Variants in KCNH7 observed in about 807,000 individuals in gnomAD.
KCNH7 encodes the protein voltage-gated inwardly rectifying potassium channel KCNH7.
In KCNH7, 49 loss-of-function variants were observed where a neutral mutation model predicts 120.8. The observed-to-expected ratio is 0.41, with a 90% CI of 0.32 to 0.51. The LOEUF (loss-of-function observed/expected upper bound fraction) is 0.51. KCNH7 is among the 20% of genes least tolerant of loss of function. KCNH7 has a pLI of 0.38. For missense variants in KCNH7, 1,097 were observed against 1,446.6 expected, an observed-to-expected ratio of 0.76 and a Z score of 3.92; for synonymous variants, 547 against 516.1, an observed-to-expected ratio of 1.06 and a Z score of -0.81.
rs139040306 is a variant in KCNH7, at chr2:162,544,603, C to T, written c.308-7523G>A. Among the ~76,000 whole-genome samples the T allele has an allele frequency of 5.4e-3, 818 of 152,214 alleles. 5 individuals are homozygous for T. Among genetic ancestry groups the T allele is most frequent in the African/African-American group, 0.017 (697 of 41,542 alleles). ...TTCATTAAGCCAAGACTCTGAATTC[C>T]ATGACTTTTAAATCAGGTGTATTCT... On this transcript the variant is annotated intron_variant, in intron 2 of 15. Transcript: ENST00000332142.
intron 2 of KCNH7, among the ~76,000 whole-genome samples, chr2:162,610,970 T>A (rs1682943390): frequency 6.6e-6 from 1 of 152,220 alleles, no homozygotes; most frequent in Non-Finnish European, 1.5e-5. Context: ...AGGACTCAGA[T>A]CCTGCTCCCC....
chr2:162,684,943 C>T (rs1435733692), intron 2 of KCNH7, among the ~76,000 whole-genome samples: 2 of 152,062 alleles, frequency 1.3e-5, no homozygotes, highest in East Asian at 3.9e-4. Flanking sequence ...GACTTGGAGC[C>T]AACCCAAACG....
intron 2 of KCNH7, chr2:162,795,653 T>A (rs1355302176): frequency 1.3e-5 from 2 of 152,118 alleles, no homozygotes; most frequent in East Asian, 3.9e-4. Context: ...CCTCTGATTA[T>A]ACTGAAGTAT....
At chr2:162,672,707 T>G (rs1460127549) in intron 2 of KCNH7, among the ~76,000 whole-genome samples, 1 of 151,992 alleles carries the variant, frequency 6.6e-6, no homozygotes, top group Non-Finnish European at 1.5e-5. Context: ...TTATTTTTAT[T>G]AACTTAAATT....
chr2:162,670,923 A>C (rs1223803347), intron 2 of KCNH7, among the ~76,000 whole-genome samples: 1 of 151,964 alleles, frequency 6.6e-6, no homozygotes, highest in Non-Finnish European at 1.5e-5. Flanking sequence ...AGAGTATACA[A>C]AAATTTCAAA....
intron 2 of KCNH7, among the ~76,000 whole-genome samples, chr2:162,615,223 C>T (rs960267455): frequency 1.3e-5 from 2 of 152,164 alleles, no homozygotes; most frequent in Non-Finnish European, 1.5e-5. Flanking sequence ...TAGCCAATCA[C>T]GGAAGATTTC....
Position 162,590,849 on chromosome 2 carries a change from T to C in KCNH7, c.308-53769A>G, listed in dbSNP as rs543853988. 9.2e-5 allele frequency among the ~76,000 whole-genome samples: 14 copies of C among 152,232 alleles called. No individual in the cohort carries two copies. The East Asian group carries it at 2.5e-3, about 27-fold the overall frequency. On this transcript the variant is annotated intron_variant, in intron 2 of 15. Coordinates refer to ENST00000332142, the MANE Select transcript of KCNH7 (RefSeq NM_033272.4). ...CATCTGTTAGAGTAATTTTTAAATA[T>C]GTAAATTAGAGCATGTCATTAATGT...
intron 2 of KCNH7, among the ~76,000 whole-genome samples, chr2:162,617,782 A>C (rs1357630042): frequency 6.6e-6 from 1 of 152,168 alleles, no homozygotes; most frequent in Non-Finnish European, 1.5e-5. Context: ...ATTGGATCTA[A>C]ATAAAACCTG....
chr2:162,831,197 A>G (rs1685465230), intron 2 of KCNH7, among the ~76,000 whole-genome samples: 1 of 152,172 alleles, frequency 6.6e-6, no homozygotes. Context: ...GATAATAAGA[A>G]TATATATTTT....
chr2:162,520,104 T>C (rs1488232408), intron 3 of KCNH7, among the ~76,000 whole-genome samples: 1 of 150,742 alleles, frequency 6.6e-6, no homozygotes, highest in East Asian at 2.0e-4. Flanking sequence ...GAAAGACACC[T>C]TACAATCTTA....
chr2:162,801,479 T>G (rs967974946), intron 2 of KCNH7, among the ~76,000 whole-genome samples: 1 of 151,782 alleles, frequency 6.6e-6, no homozygotes, highest in African/African-American at 2.4e-5. Context: ...AGCACCATTT[T>G]TTTTCCTTAC....
intron 14 of KCNH7, among the ~76,000 whole-genome samples, chr2:162,375,293 T>C (rs1260909663): frequency 6.6e-6 from 1 of 152,194 alleles, no homozygotes; most frequent in Admixed American, 6.6e-5. Context: ...ACAAGGGAGA[T>C]TCAAGATCCA....
intron 14 of KCNH7, among the ~76,000 whole-genome samples, chr2:162,377,033 T>C (rs1686219964): frequency 6.6e-6 from 1 of 152,168 alleles, no homozygotes; most frequent in Non-Finnish European, 1.5e-5. Flanking sequence ...AGACAAATGG[T>C]GTAGGAATTC....
chr2:162,557,064 C>G (rs1376790591), intron 2 of KCNH7, among the ~76,000 whole-genome samples: 1 of 152,142 alleles, frequency 6.6e-6, no homozygotes, highest in Non-Finnish European at 1.5e-5. Flanking sequence ...TCACATGGCT[C>G]CATAGGTAAA....
chr2:162,719,273 CT>C (rs2105370698), intron 2 of KCNH7, among the ~76,000 whole-genome samples: 1 of 152,136 alleles, frequency 6.6e-6, no homozygotes, highest in African/African-American at 2.4e-5. Context: ...TTAATCCATT[CT>C]TTTAAGGAAA....
intron 9 of KCNH7, among the ~76,000 whole-genome samples, chr2:162,422,319 C>A (rs1687732556): frequency 6.6e-6 from 1 of 152,088 alleles, no homozygotes; most frequent in South Asian, 2.1e-4. Flanking sequence ...TATTAGTGGT[C>A]AAGCAGAAAG....
chr2:162,499,940 G>T (rs554594066), intron 6 of KCNH7, among the ~76,000 whole-genome samples: 1 of 151,932 alleles, frequency 6.6e-6, no homozygotes, highest in South Asian at 2.1e-4. Context: ...TGTAGCTAAG[G>T]TTTCCTCTCT....
At chr2:162,796,355 A>C (rs539391627) in intron 2 of KCNH7, 1 of 152,112 alleles carries the variant, frequency 6.6e-6, no homozygotes, top group Admixed American at 6.6e-5. Context: ...TGCAAGCCAC[A>C]CTGTTTACAA....
chr2:162,769,892 A>T (rs1682975911), intron 2 of KCNH7, among the ~76,000 whole-genome samples: 1 of 152,118 alleles, frequency 6.6e-6, no homozygotes, highest in African/African-American at 2.4e-5. Flanking sequence ...CTGTCCTTAT[A>T]AACAAATTAA....
Sources: gnomAD v4.1 joint callset for allele counts (sites outside exome capture counted in the v4.1 genomes callset) on GRCh38, gnomAD v4.1.1 for gene constraint, MANE v1.5 for transcripts, NCBI Gene and HGNC (gene_info 2026-07-23, HGNC 2026-07-21) for gene names.